Variants in PCDH15 observed in about 807,000 individuals in gnomAD.
PCDH15 encodes the protein protocadherin-15.
PCDH15 carries 129 observed loss-of-function variants against 178.5 expected under a neutral mutation model. The observed-to-expected ratio is 0.72, with a 90% CI of 0.63 to 0.84. PCDH15 has a LOEUF of 0.84. PCDH15 is among the 40% of genes least tolerant of loss of function. The pLI, the probability that PCDH15 is intolerant of heterozygous loss-of-function variation, is 0.00. For missense variants in PCDH15, 2,230 were observed against 2,099.9 expected (o/e 1.06, Z -1.21); for synonymous variants, 800 against 732.0 (o/e 1.09, Z -1.50).
chr10:53,857,182 G>T lies in PCDH15; in HGVS notation c.3799C>A (p.Leu1267Ile), dbSNP rs1236577105. ...GGAGACAAAATCAATTACTCTGTAA[G>T]ATCTTCTATCTTTTTTTCCACTAGA... ...PTLVEKKIED[L>I]TEILDRYVQE... is the part of the protein sequence containing the mutation. The change falls in exon 28 of 38, where the codon CTT becomes ATT. Residue 1267 changes from leucine to isoleucine, a missense_variant. Physicochemically the swap from Leu to Ile is conservative, Grantham distance 5. Transcript: ENST00000644397. 1.9e-6 allele frequency: 3 copies of T among 1,592,026 alleles called. No individual in the cohort carries two copies. The highest frequency in any genetic ancestry group is 2.6e-6 in the Non-Finnish European group (3 of 1,160,746).
intron 1 of PCDH15, among the ~76,000 whole-genome samples, chr10:54,791,297 G>C (rs73268228): frequency 0.072 from 10,946 of 151,840 alleles, 465 homozygotes; most frequent in South Asian, 0.14. Flanking sequence ...ACAGGTATGG[G>C]GCATCTCAGA....
At chr10:53,916,873 A>C (rs2133835272) in intron 25 of PCDH15, among the ~76,000 whole-genome samples, 1 of 152,254 alleles carries the variant, frequency 6.6e-6, no homozygotes, top group Non-Finnish European at 1.5e-5. Context: ...TATATGCCTC[A>C]GAGATTCCTG....
chr10:54,659,850 A>G (rs1462859600), intron 2 of PCDH15, among the ~76,000 whole-genome samples: 1 of 152,144 alleles, frequency 6.6e-6, no homozygotes, highest in Non-Finnish European at 1.5e-5. Flanking sequence ...AGGCTAAACA[A>G]GAAAATTAAG....
In PCDH15 at chr10:55,138,259, T is replaced by C. The variant is rs530126728; in HGVS notation, c.-80+28317A>G. On this transcript the variant is annotated intron_variant, in intron 2 of 5. Coordinates refer to the PCDH15 transcript ENST00000458638. ...ATACTTATAATAAAAAATGTATTCG[T>C]TTATGTCACATTCCAATATAAGTAG... 3.3e-5 allele frequency among the ~76,000 whole-genome samples: 5 copies of C among 152,282 alleles called. No individual in the cohort carries two copies. In the South Asian group the frequency reaches 1.0e-3, roughly 32 times the overall value.
At chr10:55,294,959 T>A (rs1588887797) in intron 1 of PCDH15, among the ~76,000 whole-genome samples, 1 of 152,346 alleles carries the variant, frequency 6.6e-6, no homozygotes, top group Admixed American at 6.5e-5. Flanking sequence ...TCCTGAGCTA[T>A]TTTTATTAAA....
chr10:54,046,231 T>C (rs1378046589), intron 18 of PCDH15, among the ~76,000 whole-genome samples: 1 of 152,162 alleles, frequency 6.6e-6, no homozygotes, highest in Admixed American at 6.6e-5. Flanking sequence ...ATACAACTCT[T>C]GGCATAGTTA....
chr10:54,431,521 T>C (rs1369233316), intron 3 of PCDH15, among the ~76,000 whole-genome samples: 3 of 152,176 alleles, frequency 2.0e-5, no homozygotes, highest in Admixed American at 6.5e-5. Flanking sequence ...ATAAATTCCA[T>C]TGATGTTGTA....
At chr10:54,414,259 T>C (rs1953989006) in intron 3 of PCDH15, among the ~76,000 whole-genome samples, 2 of 152,082 alleles carry the variant, frequency 1.3e-5, no homozygotes, top group Non-Finnish European at 2.9e-5. Flanking sequence ...AATGAGAAGA[T>C]TGAATATTAC....
At chr10:55,115,440 A>G (rs1335404459) in intron 2 of PCDH15, among the ~76,000 whole-genome samples, 3 of 152,178 alleles carry the variant, frequency 2.0e-5, no homozygotes, top group Admixed American at 2.0e-4. Context: ...ATAGAAGGAT[A>G]TTTTTGTGCA....
At chr10:54,511,156 A>T (rs2081615622) in intron 3 of PCDH15, among the ~76,000 whole-genome samples, 1 of 152,064 alleles carries the variant, frequency 6.6e-6, no homozygotes, top group African/African-American at 2.4e-5. Flanking sequence ...TTTAAGAATA[A>T]TTTTTTTCCT....
chr10:55,082,384 A>G (rs1290058295), intron 2 of PCDH15, among the ~76,000 whole-genome samples: 2 of 151,980 alleles, frequency 1.3e-5, no homozygotes, highest in African/African-American at 4.8e-5. Context: ...AACACAACAT[A>G]TCAAAACCTA....
intron 13 of PCDH15, among the ~76,000 whole-genome samples, chr10:54,172,426 C>T (rs1425828992): frequency 6.6e-6 from 1 of 152,106 alleles, no homozygotes; most frequent in Non-Finnish European, 1.5e-5. Context: ...TCGGACTCAG[C>T]CCGCCTGCAC....
chr10:53,947,628 C>T (rs1472204901), intron 23 of PCDH15, among the ~76,000 whole-genome samples: 2 of 151,770 alleles, frequency 1.3e-5, no homozygotes, highest in South Asian at 2.1e-4. Context: ...TCTAATTTTA[C>T]ATATTTAAAT....
chr10:54,326,338 A>G (rs1201428429), intron 7 of PCDH15, among the ~76,000 whole-genome samples: 2 of 152,182 alleles, frequency 1.3e-5, no homozygotes, highest in Non-Finnish European at 2.9e-5. Context: ...ATTATCTACT[A>G]AGATTAAAAA....
At chr10:54,404,675 C>G (rs973529223) in intron 3 of PCDH15, among the ~76,000 whole-genome samples, 1 of 152,016 alleles carries the variant, frequency 6.6e-6, no homozygotes, top group Non-Finnish European at 1.5e-5. Flanking sequence ...TAAACAGGTT[C>G]TGTACAACAA....
At chr10:54,770,500 C>T (rs193240691) in intron 1 of PCDH15, among the ~76,000 whole-genome samples, 2 of 152,054 alleles carry the variant, frequency 1.3e-5, no homozygotes, top group Non-Finnish European at 2.9e-5. Flanking sequence ...GTACATCCAA[C>T]TATGTTAAAG....
chr10:54,588,649 C>A (rs1024363725), intron 2 of PCDH15, among the ~76,000 whole-genome samples: 1 of 110,552 alleles, frequency 9.0e-6, no homozygotes, highest in African/African-American at 3.4e-5. Flanking sequence ...ATGATCACAG[C>A]TCCATGCAGC....
At chr10:54,768,904 A>C (rs1948796452) in intron 1 of PCDH15, among the ~76,000 whole-genome samples, 1 of 152,094 alleles carries the variant, frequency 6.6e-6, no homozygotes. Context: ...TTGAAACCTA[A>C]ATAGTGTTCT....
intron 3 of PCDH15, among the ~76,000 whole-genome samples, chr10:54,421,665 TATATAC>T (rs1474043438): frequency 1.5e-5 from 1 of 68,142 alleles, no homozygotes; most frequent in African/African-American, 7.4e-5. Flanking sequence ...GTGTAGTGTA[TATATAC>T]ATATATATAT....
Sources: allele counts gnomAD v4.1 joint callset (sites outside exome capture counted in the v4.1 genomes callset), GRCh38; gene constraint gnomAD v4.1.1; transcripts MANE v1.5; gene names NCBI Gene and HGNC (gene_info 2026-07-23, HGNC 2026-07-21).